DACH1: variants seen among roughly 807,000 people sequenced by gnomAD.
DACH1 encodes the protein dachshund homolog 1.
DACH1 carries 12 observed loss-of-function variants against 54.2 expected under a neutral mutation model. The observed-to-expected ratio is 0.22, with a 90% confidence interval of 0.14 to 0.36. DACH1 has a LOEUF of 0.36. Ranked by LOEUF, DACH1 falls within the 10% of genes least tolerant of loss-of-function variation. The probability of loss-of-function intolerance (pLI) is 1.00; values close to 1 mark genes in which losing one functional copy is unlikely to be tolerated. For missense variants in DACH1, 805 were observed against 929.8 expected (o/e 0.87, Z 1.75); for synonymous variants, 386 against 366.2 (o/e 1.05, Z -0.62).
At chr13:71,496,537 C>CTGAT (rs1879459708) in intron 6 of DACH1, among the ~76,000 whole-genome samples, 2 of 151,396 alleles carry the variant, frequency 1.3e-5, no homozygotes, top group Admixed American at 1.3e-4. Flanking sequence ...AGAGTGTAGA[C>CTGAT]TGATAGACAA....
chr13:71,530,420 T>C (rs138930374), intron 6 of DACH1, among the ~76,000 whole-genome samples: 5 of 152,180 alleles, frequency 3.3e-5, no homozygotes, highest in Admixed American at 2.0e-4. Context: ...GAAAGTTACA[T>C]TACATTATTT....
At chr13:71,761,097 A>G (rs939628445) in intron 1 of DACH1, among the ~76,000 whole-genome samples, 4 of 145,326 alleles carry the variant, frequency 2.8e-5, no homozygotes, top group African/African-American at 1.1e-4. Context: ...TAATAATTTG[A>G]AAAAAAAAAG....
At chr13:71,635,789 C>A (rs949761010) in intron 2 of DACH1, among the ~76,000 whole-genome samples, 1 of 151,806 alleles carries the variant, frequency 6.6e-6, no homozygotes, top group African/African-American at 2.4e-5. Context: ...TTTTTCTTTT[C>A]TTTTCTTTTT....
At chr13:71,614,608 C>T (rs567960183) in intron 3 of DACH1, among the ~76,000 whole-genome samples, 1 of 152,238 alleles carries the variant, frequency 6.6e-6, no homozygotes, top group East Asian at 1.9e-4. Flanking sequence ...AATCCTAGCA[C>T]TTTGGGAGGC....
intron 1 of DACH1, among the ~76,000 whole-genome samples, chr13:71,778,045 T>C (rs1248982143): frequency 6.6e-6 from 1 of 151,342 alleles, no homozygotes; most frequent in Non-Finnish European, 1.5e-5. Flanking sequence ...TGAGCCGAGA[T>C]TGCACCACTG....
intron 1 of DACH1, among the ~76,000 whole-genome samples, chr13:71,721,828 A>C (rs972040365): frequency 1.3e-5 from 2 of 152,172 alleles, no homozygotes; most frequent in Non-Finnish European, 2.9e-5. Context: ...TTTTAGATGA[A>C]AGTTCTTAAC....
At chr13:71,645,886 C>T (rs1878229611) in intron 2 of DACH1, among the ~76,000 whole-genome samples, 1 of 152,072 alleles carries the variant, frequency 6.6e-6, no homozygotes, top group South Asian at 2.1e-4. Flanking sequence ...GCTGCACTAG[C>T]CTGGTGGCCT....
chr13:71,769,501 C>T (rs1195932084), intron 1 of DACH1, among the ~76,000 whole-genome samples: 2 of 151,610 alleles, frequency 1.3e-5, no homozygotes, highest in Non-Finnish European at 3.0e-5. Context: ...ACCAATAAAT[C>T]TACATTGTTA....
chr13:71,579,554 A>C (rs1460494069), intron 3 of DACH1, among the ~76,000 whole-genome samples: 1 of 152,146 alleles, frequency 6.6e-6, no homozygotes, highest in Non-Finnish European at 1.5e-5. Context: ...GAGAAACTGG[A>C]TAATTATGAA....
chr13:71,784,777 T>C (rs1354530647), intron 1 of DACH1, among the ~76,000 whole-genome samples: 5 of 152,146 alleles, frequency 3.3e-5, no homozygotes, highest in South Asian at 2.1e-4. Context: ...TCTTGACCTA[T>C]TTTAAAAAAT....
At chr13:71,660,958 A>G (rs1879444734) in intron 2 of DACH1, among the ~76,000 whole-genome samples, 3 of 150,402 alleles carry the variant, frequency 2.0e-5, no homozygotes, top group Admixed American at 6.6e-5. Flanking sequence ...TATTATGGAT[A>G]AAGTGATGAA....
chr13:71,593,372 A>G (rs1205836096), intron 3 of DACH1, among the ~76,000 whole-genome samples: 1 of 152,146 alleles, frequency 6.6e-6, no homozygotes, highest in East Asian at 1.9e-4. Context: ...AAGCTTTTAC[A>G]GACAATGGAT....
chr13:71,825,444 T>C (rs1221484060), intron 1 of DACH1, among the ~76,000 whole-genome samples: 1 of 152,090 alleles, frequency 6.6e-6, no homozygotes, highest in Non-Finnish European at 1.5e-5. Flanking sequence ...AGAAACCACA[T>C]ACTTATTAAG....
intron 3 of DACH1, among the ~76,000 whole-genome samples, chr13:71,599,502 T>C (rs148111316): frequency 1.0e-3 from 157 of 152,256 alleles, no homozygotes; most frequent in African/African-American, 3.6e-3. Context: ...TATGCCATCT[T>C]CAGGGTTTTA....
intron 2 of DACH1, among the ~76,000 whole-genome samples, chr13:71,657,041 CAT>C (rs1491441528): frequency 1.5e-4 from 22 of 145,364 alleles, no homozygotes; most frequent in East Asian, 1.0e-3. Flanking sequence ...TATACATAAA[CAT>C]GTGTGTGTGT....
At chr13:71,571,104 T>A (rs182119430) in intron 4 of DACH1, among the ~76,000 whole-genome samples, 4 of 152,186 alleles carry the variant, frequency 2.6e-5, no homozygotes, top group African/African-American at 4.8e-5. Flanking sequence ...GTTTGCCTTA[T>A]TTATTAATGT....
At chr13:71,724,216 T>C (rs1883370134) in intron 1 of DACH1, among the ~76,000 whole-genome samples, 3 of 152,202 alleles carry the variant, frequency 2.0e-5, no homozygotes, top group East Asian at 1.9e-4. Context: ...CAAAAACTTC[T>C]AAGGGGTTTA....
At chr13:71,746,384 A>C (rs1566475224) in intron 1 of DACH1, among the ~76,000 whole-genome samples, 1 of 152,174 alleles carries the variant, frequency 6.6e-6, no homozygotes, top group South Asian at 2.1e-4. Context: ...GAATACAAAA[A>C]TCAATCACAT....
At chr13:71,639,120 T>A (rs957333198) in intron 2 of DACH1, among the ~76,000 whole-genome samples, 1 of 152,088 alleles carries the variant, frequency 6.6e-6, no homozygotes, top group African/African-American at 2.4e-5. Context: ...CACCAGTACC[T>A]TTTTTCACCC....
Sources: allele counts gnomAD v4.1 joint callset (sites outside exome capture counted in the v4.1 genomes callset), GRCh38; gene constraint gnomAD v4.1.1; transcripts MANE v1.5; gene names NCBI Gene and HGNC (gene_info 2026-07-23, HGNC 2026-07-21).